The following MARCHF7 variants were observed in gnomAD, a reference collection of about 807,000 sequenced individuals.
MARCHF7 encodes the protein E3 ubiquitin-protein ligase MARCHF7.
A neutral mutation model predicts 76.5 loss-of-function variants in MARCHF7; 20 were observed. The ratio of observed to expected loss-of-function variants is 0.26; its 90% CI spans 0.18 to 0.38. The LOEUF (loss-of-function observed/expected upper bound fraction) is 0.38, where lower values mean the gene tolerates loss of function less well. MARCHF7 is among the 10% of genes least tolerant of loss of function. The pLI, the probability that MARCHF7 is intolerant of heterozygous loss-of-function variation, is 1.00. For missense variants in MARCHF7, 797 were observed against 812.9 expected (o/e 0.98, Z 0.24); for synonymous variants, 295 against 293.0 (o/e 1.01, Z -0.07).
intron 7 of MARCHF7, among the ~76,000 whole-genome samples, chr2:159,749,530 T>G (rs1286027867): frequency 1.3e-5 from 2 of 151,978 alleles, no homozygotes; most frequent in Non-Finnish European, 1.5e-5. Flanking sequence ...GTATTTTTAG[T>G]AGAGGCAGGG....
chr2:159,770,202 A>G lies in MARCHF7; in HGVS notation c.*2860A>G. On this transcript the variant is annotated 3_prime_UTR_variant, in exon 12 of 12. Coordinates refer to ENST00000409175, the MANE Select transcript of MARCHF7 (RefSeq NM_001282805.2). ...GAAAACCAGGCAGGAATTCCAGGGT[A>G]GTGTTCAATATTGACATTAGTAATA... is the stretch of plus-strand genomic sequence containing the variant. 1 of 152,182 alleles carries G rather than the reference A, an allele frequency of 6.6e-6. No individual in the cohort carries two copies. The highest frequency in any genetic ancestry group is 1.9e-4 in the East Asian group (1 of 5,196). The allele number at this position is 152,182 out of a possible 1,614,324, so 9.4% of individuals were successfully genotyped here. A position where few individuals can be genotyped will look rare whatever the true frequency, so the allele number is the denominator to read the frequency against.
intron 7 of MARCHF7, among the ~76,000 whole-genome samples, chr2:159,749,230 G>A (rs976621448): frequency 2.6e-5 from 4 of 151,660 alleles, no homozygotes; most frequent in East Asian, 3.9e-4. Flanking sequence ...CACCCACCTC[G>A]GCCTCCCAAA....
At chr2:159,733,959 C>T in intron 4 of MARCHF7, 1 of 1,279,016 alleles carries the variant, frequency 7.8e-7, no homozygotes, top group Non-Finnish European at 1.0e-6. Context: ...TTTCAGTTCT[C>T]AGCCATTTGT....
chr2:159,746,470 C>T (rs1423622973), intron 6 of MARCHF7, among the ~76,000 whole-genome samples: 1 of 152,234 alleles, frequency 6.6e-6, no homozygotes, highest in East Asian at 1.9e-4. Flanking sequence ...GGCACGACGT[C>T]AGCTCACTGC....
chr2:159,735,102 C>G lies in MARCHF7; in HGVS notation c.153+5927C>G, dbSNP rs946301390. Among the ~76,000 whole-genome samples the G allele has an allele frequency of 2.0e-5, 3 of 152,198 alleles. No homozygotes were observed. The East Asian group carries it at 5.8e-4, about 29-fold the overall frequency. On this transcript the variant is annotated intron_variant, in intron 4 of 11. Coordinates refer to ENST00000409175, the MANE Select transcript of MARCHF7 (RefSeq NM_001282805.2). ...GTGTGGAGATGGGTACTCTCCATCA[C>G]ATGAATATTTCAAACAAGGGAGAGC...
At chr2:159,761,629 C>T (rs910604662) in intron 9 of MARCHF7, among the ~76,000 whole-genome samples, 1 of 151,632 alleles carries the variant, frequency 6.6e-6, no homozygotes, top group African/African-American at 2.4e-5. Flanking sequence ...CCAGGCTGTT[C>T]TTGAACTCCT....
intron 5 of MARCHF7, among the ~76,000 whole-genome samples, chr2:159,743,939 G>A (rs1466922468): frequency 1.5e-5 from 2 of 132,438 alleles, no homozygotes; most frequent in East Asian, 5.1e-4. Context: ...AAACTCTTGA[G>A]TTACAAAAAA....
chr2:159,739,644 C>A (rs992557185), intron 4 of MARCHF7, among the ~76,000 whole-genome samples: 3 of 151,948 alleles, frequency 2.0e-5, no homozygotes, highest in Non-Finnish European at 2.9e-5. Context: ...TTTAATTGTT[C>A]AAAGAATTCC....
chr2:159,746,030 G>T, intron 6 of MARCHF7, 93 bp downstream of exon 6: 1 of 963,398 alleles, frequency 1.0e-6, no homozygotes, highest in South Asian at 1.8e-5. Context: ...GGAGTAAAGT[G>T]TATATTTTGT....
intron 7 of MARCHF7, among the ~76,000 whole-genome samples, chr2:159,750,394 A>G (rs975623168): frequency 2.0e-5 from 3 of 152,162 alleles, no homozygotes; most frequent in Non-Finnish European, 4.4e-5. Flanking sequence ...GTGTGGTGGC[A>G]TGCACCTGTA....
chr2:159,734,033 T>C (rs201918790), intron 4 of MARCHF7: 13 of 1,352,354 alleles, frequency 9.6e-6, no homozygotes, highest in Non-Finnish European at 1.3e-5. Flanking sequence ...TAAATTTTTA[T>C]CACAATTTGA....
At chr2:159,746,051 T>C in intron 6 of MARCHF7, 114 bp downstream of exon 6, 1 of 750,990 alleles carries the variant, frequency 1.3e-6, no homozygotes, top group African/African-American at 1.8e-5. Flanking sequence ...CTTATGAAGA[T>C]TTCAGAATAC....
At chr2:159,743,026 C>T (rs1704333153) in intron 4 of MARCHF7, 35 bp from the exon 5 acceptor site, 1 of 1,580,136 alleles carries the variant, frequency 6.3e-7, no homozygotes, top group Non-Finnish European at 8.6e-7. Flanking sequence ...TGAATGCAGC[C>T]TTTTGTTGTT....
At chr2:159,762,447 C>CT (rs1268634861) in intron 9 of MARCHF7, among the ~76,000 whole-genome samples, 2 of 152,100 alleles carry the variant, frequency 1.3e-5, no homozygotes, top group Admixed American at 1.3e-4. Context: ...TTATTTATGC[C>CT]TTTATGTTCA....
chr2:159,727,089 T>C (rs1702258003), intron 3 of MARCHF7, among the ~76,000 whole-genome samples: 1 of 152,178 alleles, frequency 6.6e-6, no homozygotes, highest in Non-Finnish European at 1.5e-5. Context: ...TGTTCTTGAG[T>C]GATGCATAAC....
rs1283414483 is a variant in MARCHF7 at position 159,748,647 on chromosome 2, G to A, written c.1357G>A (p.Ala453Thr). Reference protein sequence around the residue: ...AAANRPQASAASSSATTGGST... With the variant: ...AAANRPQASATSSSATTGGST... ...TGCCAACAGACCACAAGCATCTGCAGCATCAAGCAGTGCCACAACAGGTGG... is the reference window on the plus strand; with the variant it reads ...TGCCAACAGACCACAAGCATCTGCAACATCAAGCAGTGCCACAACAGGTGG... Residue 453 changes from alanine to threonine, a missense_variant, in exon 7 of 12, where the codon GCA becomes ACA. By Grantham distance (58) the Ala-to-Thr change is moderately conservative. This residue lies in a region of MARCHF7 where 643 missense variants were observed against 631.5 expected (regional missense o/e 1.02). Coordinates refer to ENST00000409175, the MANE Select transcript of MARCHF7 (RefSeq NM_001282805.2). 1 of 1,614,224 alleles carries A rather than the reference G, an allele frequency of 6.2e-7. No individual in the cohort carries two copies. The highest frequency in any genetic ancestry group is 1.1e-5 in the South Asian group (1 of 91,088).
chr2:159,748,276 A>G lies in MARCHF7; in HGVS notation c.986A>G (p.Asn329Ser), dbSNP rs562024857. Residue 329 changes from asparagine to serine, a missense_variant, in exon 7 of 12, where the codon AAT (asparagine) becomes AGT (serine). Asn to Ser is a conservative substitution (Grantham distance 46, BLOSUM62 1). This residue lies in a region of MARCHF7 where 643 missense variants were observed against 631.5 expected (regional missense o/e 1.02). Coordinates refer to ENST00000409175, the MANE Select transcript of MARCHF7 (RefSeq NM_001282805.2). Reference sequence around the variant, plus strand: ...TTGACAGCTTCACAGTCCCGTAGTAATGTACCATCAGCTTCTGAAGTTCCC... The same window carrying G: ...TTGACAGCTTCACAGTCCCGTAGTAGTGTACCATCAGCTTCTGAAGTTCCC... ...RILTASQSRS[N>S]VPSASEVPDN... The G allele has an allele frequency of 1.3e-5, 21 of 1,613,558 alleles. No individual in the cohort carries two copies. Among genetic ancestry groups the G allele is most frequent in the Admixed American group, 6.7e-5 (4 of 59,936 alleles).
intron 4 of MARCHF7, among the ~76,000 whole-genome samples, chr2:159,740,671 GT>G (rs1574322047): frequency 6.6e-6 from 1 of 152,082 alleles, no homozygotes; most frequent in East Asian, 1.9e-4. Context: ...GTAATATTAG[GT>G]ACAGAAGGCT....
At chr2:159,747,761 C>T (rs1440503535) in intron 6 of MARCHF7, 44 bp from the exon 7 acceptor site, 1 of 1,509,776 alleles carries the variant, frequency 6.6e-7, no homozygotes, top group Non-Finnish European at 8.9e-7. Context: ...AATAATAATG[C>T]TCAAATTATT....
Sources: gnomAD v4.1 joint callset for allele counts (sites outside exome capture counted in the v4.1 genomes callset) on GRCh38, gnomAD v4.1.1 for gene constraint, gnomAD v4.1.1 regional missense constraint, MANE v1.5 for transcripts, NCBI Gene and HGNC (gene_info 2026-07-23, HGNC 2026-07-21) for gene names.